The following CADM1 variants were observed in gnomAD, a reference collection of about 807,000 sequenced individuals.
CADM1 encodes cell adhesion molecule 1.
CADM1 carries 15 observed loss-of-function variants against 53.1 expected under a neutral mutation model. That is an observed-to-expected ratio of 0.28 (90% CI 0.19 to 0.44). CADM1 has a LOEUF of 0.44. Among genes scored for constraint, CADM1 ranks in the 20% least tolerant of loss-of-function variants. The pLI is 1.00. For missense variants in CADM1, 434 were observed against 611.3 expected, an observed-to-expected ratio of 0.71 and a Z score of 3.06; for synonymous variants, 281 against 243.0, an observed-to-expected ratio of 1.16 and a Z score of -1.45.
intron 1 of CADM1, among the ~76,000 whole-genome samples, chr11:115,282,035 T>C (rs1325691027): frequency 2.0e-5 from 3 of 152,160 alleles, no homozygotes; most frequent in African/African-American, 4.8e-5. Flanking sequence ...TTATTGAAAA[T>C]GTTTGTCTAG....
chr11:115,219,546 A>G (rs1941325694), intron 5 of CADM1, among the ~76,000 whole-genome samples: 1 of 152,208 alleles, frequency 6.6e-6, no homozygotes, highest in African/African-American at 2.4e-5. Flanking sequence ...TGCAAGTTAC[A>G]CAGTTCTATT....
At chr11:115,462,842 T>C (rs961613472) in intron 1 of CADM1, among the ~76,000 whole-genome samples, 5 of 152,132 alleles carry the variant, frequency 3.3e-5, no homozygotes, top group African/African-American at 1.2e-4. Context: ...TAGACCATCC[T>C]CTTTTAAAAG....
Position 115,198,425 on chromosome 11 carries a change from CG to C in CADM1, c.1091del (p.Thr364ArgfsTer42). On this transcript the variant is annotated frameshift_variant, in exon 9 of 12. Transcript: ENST00000331581. LOFTEE classifies it high-confidence loss of function. Reference sequence around the variant, plus strand: ...ACCAACCGTGAACTGCTGGTTCTGTCGTCGCCGTTGTGTCTACAGACGGGAA... The same window carrying C: ...ACCAACCGTGAACTGCTGGTTCTGTCTCGCCGTTGTGTCTACAGACGGGAA... ...ILTIITDTTA[T>X]TEPAVHGLTQ... 1 of 1,595,376 alleles carries C rather than the reference CG, an allele frequency of 6.3e-7. No homozygotes were observed. Among genetic ancestry groups the C allele is most frequent in the Non-Finnish European group, 8.5e-7 (1 of 1,178,550 alleles).
chr11:115,228,213 G>C (rs1165320409), intron 5 of CADM1, among the ~76,000 whole-genome samples: 1 of 152,206 alleles, frequency 6.6e-6, no homozygotes, highest in South Asian at 2.1e-4. Flanking sequence ...GTGTGGTCCT[G>C]CCAAAACCTT....
chr11:115,176,631 G>T (rs1412454995), intron 11 of CADM1, 39 bp from the exon 12 acceptor site: 2 of 1,537,324 alleles, frequency 1.3e-6, no homozygotes, highest in Admixed American at 3.3e-5. Flanking sequence ...ACTGTCTGAT[G>T]GCCTCTGTGT....
At chr11:115,179,601 T>G (rs1186187012) in intron 10 of CADM1, among the ~76,000 whole-genome samples, 5 of 152,326 alleles carry the variant, frequency 3.3e-5, no homozygotes, top group Admixed American at 1.3e-4. Flanking sequence ...AATTTAGGAA[T>G]GTGGCTACAT....
intron 1 of CADM1, chr11:115,378,021 T>C (rs1946482668): frequency 6.6e-6 from 1 of 152,172 alleles, no homozygotes; most frequent in Admixed American, 6.5e-5. Flanking sequence ...AAGAACCCTC[T>C]TGCAACACAA....
At chr11:115,184,028 C>T (rs1354194576) in intron 10 of CADM1, among the ~76,000 whole-genome samples, 4 of 152,174 alleles carry the variant, frequency 2.6e-5, no homozygotes, top group African/African-American at 4.8e-5. Flanking sequence ...TACAAACTCT[C>T]AGAATCGGTG....
chr11:115,331,029 TG>T (rs1477189021), intron 1 of CADM1, among the ~76,000 whole-genome samples: 2 of 152,088 alleles, frequency 1.3e-5, no homozygotes, highest in Non-Finnish European at 2.9e-5. Context: ...GGTTGCAGGT[TG>T]GGGGGCCTGG....
chr11:115,369,784 C>A (rs1291210906), intron 1 of CADM1, among the ~76,000 whole-genome samples: 1 of 152,120 alleles, frequency 6.6e-6, no homozygotes, highest in East Asian at 1.9e-4. Flanking sequence ...GCAGAAAAAA[C>A]AGCACTGTGT....
chr11:115,286,869 A>G (rs988708321), intron 1 of CADM1, among the ~76,000 whole-genome samples: 1 of 152,230 alleles, frequency 6.6e-6, no homozygotes, highest in East Asian at 1.9e-4. Flanking sequence ...AAGAGGCTCC[A>G]AAAGAACAGA....
In CADM1 at chr11:115,177,906, C is replaced by T. The variant is rs544992519; in HGVS notation, c.1297+738G>A. Reference sequence around the variant, plus strand: ...CAGTATGCAAGCACCTAGAAAACCCCGCAAGCTCATTGCACAGTGCTTGAG... The same window carrying T: ...CAGTATGCAAGCACCTAGAAAACCCTGCAAGCTCATTGCACAGTGCTTGAG... On this transcript the variant is annotated intron_variant, in intron 11 of 11. Transcript: ENST00000331581. 5.9e-5 allele frequency among the ~76,000 whole-genome samples: 9 copies of T among 152,172 alleles called. No homozygotes were observed. In the East Asian group the frequency reaches 9.6e-4, roughly 16 times the overall value.
intron 1 of CADM1, among the ~76,000 whole-genome samples, chr11:115,413,823 T>C (rs1947521856): frequency 6.6e-6 from 1 of 151,978 alleles, no homozygotes; most frequent in African/African-American, 2.4e-5. Context: ...TTTTGTATTT[T>C]TAGTAGAAAT....
At chr11:115,283,637 G>A (rs1258155616) in intron 1 of CADM1, among the ~76,000 whole-genome samples, 1 of 152,180 alleles carries the variant, frequency 6.6e-6, no homozygotes, top group Non-Finnish European at 1.5e-5. Flanking sequence ...TTACCATCCA[G>A]CCAGGGAGAT....
chr11:115,286,734 C>T (rs1459439002), intron 1 of CADM1, among the ~76,000 whole-genome samples: 2 of 152,158 alleles, frequency 1.3e-5, no homozygotes, highest in Admixed American at 6.5e-5. Flanking sequence ...ACCTCTCCCC[C>T]CAGTTAAGGA....
At chr11:115,295,550 A>ATATATATATATATATAT (rs371584699) in intron 1 of CADM1, among the ~76,000 whole-genome samples, 1 of 53,004 alleles carries the variant, frequency 1.9e-5, no homozygotes, top group Admixed American at 2.5e-4. Context: ...ATATATATAT[A>ATATATATATATATATAT]ATATATATGT....
At chr11:115,372,227 T>C (rs986855481) in intron 1 of CADM1, among the ~76,000 whole-genome samples, 9 of 152,210 alleles carry the variant, frequency 5.9e-5, no homozygotes, top group African/African-American at 1.7e-4. Context: ...GAGCCAAAGT[T>C]TTCCCTTTAT....
rs1948963237 is a variant in CADM1, at chr11:115,469,459, C to G, written c.124+34812G>C. On this transcript the variant is annotated intron_variant, in intron 1 of 11. Coordinates refer to ENST00000331581, the MANE Select transcript of CADM1 (RefSeq NM_001301043.2). The stretch of plus-strand genomic sequence containing the variant: ...TCATGTAGAAAGGAAGTGGCAGAAT[C>G]AAGGTGTGAAACCAGGTGGTCAGTC... Among the ~76,000 whole-genome samples, 6 of 152,156 alleles carry G rather than the reference C, an allele frequency of 3.9e-5. 1 individual carries two copies. The South Asian group carries it at 1.2e-3, about 32-fold the overall frequency.
intron 1 of CADM1, among the ~76,000 whole-genome samples, chr11:115,242,194 T>G (rs1942259360): frequency 6.6e-6 from 1 of 152,032 alleles, no homozygotes; most frequent in African/African-American, 2.4e-5. Context: ...AGCTCTAGGA[T>G]CCAGGGAATT....
Sources: allele counts gnomAD v4.1 joint callset (sites outside exome capture counted in the v4.1 genomes callset), GRCh38; gene constraint gnomAD v4.1.1; transcripts MANE v1.5; gene names NCBI Gene and HGNC (gene_info 2026-07-23, HGNC 2026-07-21).